Variants in UBOX5 observed in about 807,000 individuals in gnomAD.
UBOX5 encodes U-box domain containing 5.
In UBOX5, 28 loss-of-function variants were observed where a neutral mutation model predicts 39.0. That is an observed-to-expected ratio of 0.72 (90% CI 0.53 to 0.98). UBOX5 has a LOEUF of 0.98. Among genes scored for constraint, UBOX5 ranks in the 50% least tolerant of loss-of-function variants. UBOX5 has a pLI of 0.00. For synonymous variants in UBOX5, 283 were observed against 275.5 expected, an observed-to-expected ratio of 1.03 and a Z score of -0.27; for missense variants, 585 against 674.4, an observed-to-expected ratio of 0.87 and a Z score of 1.47.
rs754367133 is a variant in UBOX5, at chr20:3,122,369, G to A, written c.270C>T (p.Ser90=). The change falls in exon 3 of 5, where the codon AGC becomes AGT. Residue 90 remains serine (S), a synonymous_variant. Transcript: ENST00000217173. ...ACTGGGGCGTATTCCAAGACACTCT[G>A]CTAGATGAGGCAGATGTGTACATTT... ...GLEMYTSASS[S]RVSWNTPQCR... 1.2e-6 allele frequency: 2 copies of A among 1,614,098 alleles called. No individual in the cohort carries two copies. Among genetic ancestry groups the A allele is most frequent in the African/African-American group, 2.7e-5 (2 of 74,942 alleles).
chr20:3,144,583 T>C (rs1176712731), intron 1 of UBOX5, among the ~76,000 whole-genome samples: 3 of 152,180 alleles, frequency 2.0e-5, no homozygotes, highest in Admixed American at 6.5e-5. Flanking sequence ...TTCTTAAATA[T>C]GATACCAAAA....
intron 1 of UBOX5, among the ~76,000 whole-genome samples, chr20:3,145,766 C>G (rs1280393166): frequency 1.3e-5 from 2 of 152,164 alleles, no homozygotes; most frequent in Admixed American, 1.3e-4. Context: ...AAGGTATAGG[C>G]CAGCCACAGT....
chr20:3,156,851 C>A (rs1173835821), intron 1 of UBOX5: 1 of 152,120 alleles, frequency 6.6e-6, no homozygotes, highest in African/African-American at 2.4e-5. Context: ...AGATCTGATC[C>A]CTCAATTCTA....
intron 3 of UBOX5, 142 bp downstream of exon 3, chr20:3,121,242 A>C: frequency 7.8e-7 from 1 of 1,281,146 alleles, no homozygotes; most frequent in Non-Finnish European, 1.1e-6. Context: ...GAGGGGCCCC[A>C]GGATGGGAAA....
chr20:3,156,002 GAGA>G (rs1444312628), intron 1 of UBOX5, among the ~76,000 whole-genome samples: 1 of 152,206 alleles, frequency 6.6e-6, no homozygotes, highest in Non-Finnish European at 1.5e-5. Context: ...AGAAGCAGCA[GAGA>G]AGAACAGTAG....
intron 1 of UBOX5, among the ~76,000 whole-genome samples, chr20:3,130,780 GCTTT>G (rs1207748942): frequency 6.9e-6 from 1 of 144,496 alleles, no homozygotes; most frequent in African/African-American, 2.5e-5. Flanking sequence ...AGTTGTTTTT[GCTTT>G]TTTTTTTTTT....
In UBOX5 at chr20:3,149,204, C is replaced by T. The variant is rs2066600375; in HGVS notation, c.-42+10562G>A. 2.3e-6 allele frequency: 2 copies of T among 885,816 alleles called. No homozygotes were observed. The highest frequency in any genetic ancestry group is 1.7e-5 in the African/African-American group (1 of 59,262). The allele number at this position is 885,816 out of a possible 1,614,324, so 54.9% of individuals were successfully genotyped here. On this transcript the variant is annotated intron_variant, in intron 1 of 4. Transcript: ENST00000217173. The surrounding 1 kb of genome is among the most constrained non-coding windows in gnomAD (Gnocchi z 4.1). ...TCCACAAAAACTGCCTGGAAATCTT[C>T]AGCATATCACAAGAGCCAGGGATCA...
Position 3,110,149 on chromosome 20 carries a change from T to G in UBOX5, c.1583A>C (p.Gln528Pro), listed in dbSNP as rs2066241930. The change falls in exon 5 of 5, where the codon CAG (glutamine) becomes CCG (proline). Residue 528 changes from glutamine (Q) to proline (P), a missense_variant. Transcript: ENST00000217173. Reference protein sequence around the residue: ...RSLPMTCTACQRPVASQDVLR... With the variant: ...RSLPMTCTACPRPVASQDVLR... ...CACGTCTTGGCTAGCAACCGGCCGCTGGCAGGCTGTGCACGTCATGGGCAG... is the reference window on the plus strand; with the variant it reads ...CACGTCTTGGCTAGCAACCGGCCGCGGGCAGGCTGTGCACGTCATGGGCAG... The G allele has an allele frequency of 6.2e-7, 1 of 1,612,944 alleles. No homozygotes were observed. The highest frequency in any genetic ancestry group is 8.5e-7 in the Non-Finnish European group (1 of 1,180,020).
intron 1 of UBOX5, among the ~76,000 whole-genome samples, chr20:3,152,475 C>T (rs759546231): frequency 1.3e-5 from 2 of 151,826 alleles, no homozygotes; most frequent in African/African-American, 2.4e-5. Context: ...GCACTGCAGC[C>T]CGGGCGATAG....
At chr20:3,125,714 T>G (rs1181251370) in intron 1 of UBOX5, among the ~76,000 whole-genome samples, 1 of 144,910 alleles carries the variant, frequency 6.9e-6, no homozygotes, top group African/African-American at 2.6e-5. Context: ...GGAGTGCCTC[T>G]GCCTGGCCGC....
intron 1 of UBOX5, among the ~76,000 whole-genome samples, chr20:3,123,666 A>C (rs1395379864): frequency 6.6e-6 from 1 of 152,218 alleles, no homozygotes; most frequent in Non-Finnish European, 1.5e-5. Context: ...GCTGTTCCAA[A>C]GACCCAATGG....
chr20:3,148,173 G>A (rs1411851930), intron 1 of UBOX5: 2 of 1,613,784 alleles, frequency 1.2e-6, no homozygotes, highest in East Asian at 2.2e-5. Context: ...TCCAATTTTT[G>A]CATTAGGTCC....
chr20:3,149,133 A>G lies in UBOX5; in HGVS notation c.-42+10633T>C. 6.5e-7 allele frequency: 1 copy of G among 1,527,318 alleles called. No homozygotes were observed. Among genetic ancestry groups the G allele is most frequent in the African/African-American group, 1.4e-5 (1 of 72,236 alleles). The allele number at this position is 1,527,318 out of a possible 1,614,324, so 94.6% of individuals were successfully genotyped here. Reference sequence around the variant, plus strand: ...CAGTCCTCACAGATTTGACCAGGCAATTTCTTGTTTATATGGTGCTTGATT... The same window carrying G: ...CAGTCCTCACAGATTTGACCAGGCAGTTTCTTGTTTATATGGTGCTTGATT... On this transcript the variant is annotated intron_variant, in intron 1 of 4. Coordinates refer to ENST00000217173, the MANE Select transcript of UBOX5 (RefSeq NM_014948.4). This position sits in a 1 kb window ranked among gnomAD's most constrained non-coding sequence, Gnocchi z 4.1.
At chr20:3,124,031 T>A (rs150978921) in intron 1 of UBOX5, among the ~76,000 whole-genome samples, 110 of 151,766 alleles carry the variant, frequency 7.2e-4, no homozygotes, top group African/African-American at 2.3e-3. Flanking sequence ...AGAGACCCCA[T>A]CTCTACAACA....
At chr20:3,122,710 T>G in intron 2 of UBOX5, 126 bp from the exon 3 acceptor site, 1 of 1,316,836 alleles carries the variant, frequency 7.6e-7, no homozygotes, top group East Asian at 2.5e-5. Flanking sequence ...TTGTCCCAGA[T>G]CAGGGCACCC....
chr20:3,146,966 G>C (rs1448746094), intron 1 of UBOX5: 1 of 1,614,164 alleles, frequency 6.2e-7, no homozygotes, highest in Non-Finnish European at 8.5e-7. Context: ...GTTCCTGTTT[G>C]TGAACTGAAC....
At chr20:3,147,894 C>T (rs2066584136) in intron 1 of UBOX5, 1 of 1,614,112 alleles carries the variant, frequency 6.2e-7, no homozygotes, top group African/African-American at 1.3e-5. Flanking sequence ...AGGTGCATGA[C>T]ACCTTGAACT....
At chr20:3,116,989 G>A (rs377026803) in intron 3 of UBOX5, among the ~76,000 whole-genome samples, 4 of 151,928 alleles carry the variant, frequency 2.6e-5, no homozygotes, top group African/African-American at 7.3e-5. Context: ...CCAGCTACTC[G>A]GGAAGCTGAG....
rs1392340505 is a variant in UBOX5 at position 3,122,185 on chromosome 20, G to A, written c.454C>T (p.Pro152Ser). 2 of 1,614,066 alleles carry A rather than the reference G, an allele frequency of 1.2e-6. No homozygotes were observed. The highest frequency in any genetic ancestry group is 1.7e-6 in the Non-Finnish European group (2 of 1,180,030). Residue 152 changes from proline to serine, a missense_variant, in exon 3 of 5, where the codon CCT becomes TCT. By Grantham distance (74) the Pro-to-Ser change is moderately conservative. Transcript: ENST00000217173. ...FGAMEATLPS[P>S]AVVAQELWNK... ...CAGAGCTCCTGGGCCACAACAGCAG[G>A]GGAGGGGAGTGTGGCTTCCATCGCG...
Sources: allele counts gnomAD v4.1 joint callset (sites outside exome capture counted in the v4.1 genomes callset), GRCh38; gene constraint gnomAD v4.1.1; non-coding constraint Gnocchi (gnomAD v3.1); transcripts MANE v1.5; gene names NCBI Gene and HGNC (gene_info 2026-07-23, HGNC 2026-07-21).